Variants in PSEN1 observed in about 807,000 individuals in gnomAD.
The protein encoded by PSEN1 is presenilin 1.
In PSEN1, 15 loss-of-function variants were observed where a neutral mutation model predicts 53.5. That is an observed-to-expected ratio of 0.28 (90% CI 0.19 to 0.43). The LOEUF is 0.43. PSEN1 is among the 20% of genes least tolerant of loss of function. PSEN1 has a pLI of 1.00. For missense variants in PSEN1, 387 were observed against 571.2 expected (o/e 0.68, Z 3.29); for synonymous variants, 208 against 209.8 (o/e 0.99, Z 0.08).
At chr14:73,176,202 C>T (rs1436685149) in intron 5 of PSEN1, among the ~76,000 whole-genome samples, 2 of 152,262 alleles carry the variant, frequency 1.3e-5, no homozygotes, top group South Asian at 2.1e-4. Context: ...GTTACCAACA[C>T]TCAGAAGGCC....
intron 1 of PSEN1, among the ~76,000 whole-genome samples, chr14:73,143,375 C>G (rs1424130004): frequency 6.6e-6 from 1 of 152,178 alleles, no homozygotes; most frequent in Non-Finnish European, 1.5e-5. Flanking sequence ...CTGGAAAAGA[C>G]TTGGGCTGGG....
intron 3 of PSEN1, among the ~76,000 whole-genome samples, chr14:73,162,242 A>G (rs983588890): frequency 1.3e-5 from 2 of 151,746 alleles, no homozygotes; most frequent in Non-Finnish European, 2.9e-5. Flanking sequence ...CCATCCTGAT[A>G]ATAAGAGAAA....
chr14:73,140,173 AACT>A (rs1283379554), intron 1 of PSEN1, among the ~76,000 whole-genome samples: 1 of 151,472 alleles, frequency 6.6e-6, no homozygotes, highest in Non-Finnish European at 1.5e-5. Flanking sequence ...GAAATCCGAA[AACT>A]AAAAGGTTTT....
At chr14:73,154,207 A>G (rs17781809) in intron 3 of PSEN1, among the ~76,000 whole-genome samples, 8,533 of 152,306 alleles carry the variant, frequency 0.056, 323 homozygotes, top group Non-Finnish European at 0.089. Context: ...CTGTGTGTAT[A>G]TATTGAAAAA....
intron 1 of PSEN1, among the ~76,000 whole-genome samples, chr14:73,143,931 G>T (rs898345483): frequency 3.7e-5 from 5 of 133,362 alleles, no homozygotes; most frequent in African/African-American, 1.4e-4. Context: ...CAAGGCTGCA[G>T]TGAGCTATGA....
chr14:73,179,489 C>T (rs1898141760), intron 5 of PSEN1, among the ~76,000 whole-genome samples: 1 of 152,132 alleles, frequency 6.6e-6, no homozygotes, highest in Admixed American at 6.5e-5. Flanking sequence ...TGGTGGTGGG[C>T]ACCTGTAGTT....
At chr14:73,143,167 A>C (rs1020551225) in intron 1 of PSEN1, among the ~76,000 whole-genome samples, 11 of 152,204 alleles carry the variant, frequency 7.2e-5, no homozygotes, top group African/African-American at 2.7e-4. Flanking sequence ...GACCGAAATC[A>C]AATCTAGCTT....
chr14:73,178,982 T>A (rs1038961942), intron 5 of PSEN1, among the ~76,000 whole-genome samples: 1 of 152,118 alleles, frequency 6.6e-6, no homozygotes, highest in Admixed American at 6.6e-5. Context: ...CTGTTGAGGA[T>A]CATATCCATA....
intron 8 of PSEN1, among the ~76,000 whole-genome samples, chr14:73,201,623 G>A (rs1405203038): frequency 6.6e-6 from 1 of 152,100 alleles, no homozygotes; most frequent in Non-Finnish European, 1.5e-5. Context: ...AAGAAGGAGA[G>A]GTATAGTAAA....
chr14:73,146,942 C>T (rs1156651818), intron 1 of PSEN1, among the ~76,000 whole-genome samples: 1 of 151,996 alleles, frequency 6.6e-6, no homozygotes, highest in Non-Finnish European at 1.5e-5. Context: ...GAATGTGGCC[C>T]CCCTAGGAGG....
intron 6 of PSEN1, among the ~76,000 whole-genome samples, chr14:73,191,750 G>C (rs1898727255): frequency 6.6e-6 from 1 of 152,000 alleles, no homozygotes; most frequent in Non-Finnish European, 1.5e-5. Context: ...GTCTCACTGT[G>C]TTGCCCAGGC....
At chr14:73,202,462 A>T (rs2735781) in intron 8 of PSEN1, among the ~76,000 whole-genome samples, 549 of 11,474 alleles carry the variant, frequency 0.048, 27 homozygotes, top group South Asian at 0.088. Flanking sequence ...ATATATATAT[A>T]TTTTTTTTTT....
intron 10 of PSEN1, among the ~76,000 whole-genome samples, chr14:73,213,649 CTGTTAAAA>C (rs1432259742): frequency 6.6e-6 from 1 of 152,182 alleles, no homozygotes; most frequent in Non-Finnish European, 1.5e-5. Context: ...CTAAAGCAAT[CTGTTAAAA>C]GTCAACATTT....
At chr14:73,218,686 C>T (rs930547189) in intron 11 of PSEN1, among the ~76,000 whole-genome samples, 3 of 151,130 alleles carry the variant, frequency 2.0e-5, no homozygotes, top group East Asian at 3.9e-4. Flanking sequence ...AGAATGCCCC[C>T]GCACAGCATA....
chr14:73,186,728 G>T, intron 5 of PSEN1, 125 bp from the exon 6 acceptor site: 3 of 803,016 alleles, frequency 3.7e-6, no homozygotes, highest in East Asian at 5.0e-5. Context: ...GGTGAGCTGA[G>T]ATCGTGCCAC....
At chr14:73,136,422 A>G (rs904788802), upstream of PSEN1, 1 of 152,916 alleles carries the variant, frequency 6.5e-6, no homozygotes, top group African/African-American at 2.4e-5. Flanking sequence ...GCCGCCAACG[A>G]CGCCAGAGCC....
intron 6 of PSEN1, among the ~76,000 whole-genome samples, chr14:73,190,395 A>G (rs969346175): frequency 1.3e-5 from 2 of 151,694 alleles, no homozygotes; most frequent in Non-Finnish European, 2.9e-5. Context: ...AGGCTGAGTC[A>G]GGAGGATCAC....
At position 73,198,067 on chromosome 14, in the gene PSEN1, G is replaced by A. The variant is rs63750900; in HGVS notation, c.806G>A (p.Arg269His). 9.3e-6 allele frequency: 15 copies of A among 1,612,370 alleles called. No individual in the cohort carries two copies. The highest frequency in any genetic ancestry group is 4.0e-5 in the African/African-American group (3 of 74,828). ...VAVLCPKGPLRMLVETAQERN... is the reference protein window; with the variant it reads ...VAVLCPKGPLHMLVETAQERN... ...GTTTTGTGTCCGAAAGGTCCACTTC[G>A]TATGCTGGTTGAAACAGCTCAGGAG... is the stretch of plus-strand genomic sequence containing the variant. The change falls in exon 8 of 12, where the codon CGT becomes CAT. Residue 269 changes from arginine to histidine, a missense_variant. Physicochemically the swap from Arg to His is conservative, Grantham distance 29. Coordinates refer to ENST00000324501, the MANE Select transcript of PSEN1 (RefSeq NM_000021.4).
chr14:73,181,970 T>G (rs532167328), intron 5 of PSEN1, among the ~76,000 whole-genome samples: 93 of 152,144 alleles, frequency 6.1e-4, no homozygotes, highest in African/African-American at 2.1e-3. Flanking sequence ...GACGGGGTTT[T>G]GGCATGTTGG....
Sources: gnomAD v4.1 joint callset for allele counts (sites outside exome capture counted in the v4.1 genomes callset) on GRCh38, gnomAD v4.1.1 for gene constraint, MANE v1.5 for transcripts, NCBI Gene and HGNC (gene_info 2026-07-23, HGNC 2026-07-21) for gene names.